Variants in FMR1 observed in about 807,000 individuals in gnomAD.
FMR1 encodes fragile X messenger ribonucleoprotein 1.
FMR1 carries 13 observed loss-of-function variants against 50.6 expected under a neutral mutation model. That is an observed-to-expected ratio of 0.26 (90% CI 0.17 to 0.41). The LOEUF is 0.41. FMR1 is among the 10% of genes least tolerant of loss of function. The pLI is 1.00. For synonymous variants in FMR1, 138 were observed against 164.1 expected (o/e 0.84, Z 1.22); for missense variants, 316 against 491.3 (o/e 0.64, Z 3.37).
intron 15 of FMR1, 68 bp from the exon 16 acceptor site, chrX:147,945,466 G>C (rs2044141950): frequency 1.2e-6 from 1 of 851,416 alleles, no homozygotes; most frequent in African/African-American, 2.0e-5. Flanking sequence ...GAGGGTGTGG[G>C]AATAAAGAAC....
chrX:147,937,235 A>G (rs2043819149), intron 10 of FMR1, among the ~76,000 whole-genome samples: 1 of 111,911 alleles, frequency 8.9e-6, no homozygotes, highest in Non-Finnish European at 1.9e-5. Flanking sequence ...CTGTCTCATC[A>G]AAGAGCCGTA....
chrX:147,926,826 G>T (rs1557177685), intron 3 of FMR1, among the ~76,000 whole-genome samples: 1 of 111,004 alleles, frequency 9.0e-6, no homozygotes, highest in African/African-American at 3.3e-5. Flanking sequence ...GGTAGTAAAG[G>T]TGTAGCAAAA....
At chrX:147,947,785 A>G (rs782137913) in intron 16 of FMR1, among the ~76,000 whole-genome samples, 16 of 111,499 alleles carry the variant, frequency 1.4e-4, no homozygotes, top group African/African-American at 3.3e-4. Context: ...GCACATACCC[A>G]CTACTTAAAC....
intron 1 of FMR1, among the ~76,000 whole-genome samples, chrX:147,919,556 G>A (rs1557176029): frequency 8.9e-6 from 1 of 112,425 alleles, no homozygotes; most frequent in African/African-American, 3.2e-5. Context: ...AAAATGATAA[G>A]AAAATGTTGA....
Position 147,943,272 on chromosome X carries a change from A to G in FMR1, c.1417A>G (p.Ser473Gly). 9.1e-6 allele frequency: 11 copies of G among 1,211,029 alleles called. No homozygotes were observed. The highest frequency in any genetic ancestry group is 1.2e-5 in the Non-Finnish European group (11 of 894,860). The change falls in exon 14 of 17, where the codon AGT becomes GGT. Residue 473 changes from serine (S) to glycine (G), a missense_variant. Physicochemically the swap from Ser to Gly is moderately conservative, Grantham distance 56. Transcript: ENST00000370475. The stretch of plus-strand genomic sequence containing the variant: ...TGATGGTCAAGGAATGGGTCGAGGT[A>G]GTAGACCTTACAGAAATAGGGGGCA... Reference protein sequence around the residue: ...TDDGQGMGRGSRPYRNRGHGR... With the variant: ...TDDGQGMGRGGRPYRNRGHGR...
intron 14 of FMR1, 39 bp downstream of exon 14, chrX:147,943,365 C>T: frequency 9.2e-7 from 1 of 1,084,186 alleles, no homozygotes; most frequent in East Asian, 3.0e-5. Context: ...TTTATCTGTT[C>T]CTAGACTTAT....
intron 13 of FMR1, among the ~76,000 whole-genome samples, chrX:147,941,471 C>T (rs2044000828): frequency 8.9e-6 from 1 of 112,334 alleles, no homozygotes; most frequent in Admixed American, 9.4e-5. Context: ...AAAAGCATTT[C>T]AACTCTATTT....
In FMR1 at chrX:147,938,045, G is replaced by A. The variant is rs192629288; in HGVS notation, c.1126-54G>A. 9.3e-5 allele frequency: 89 copies of A among 958,299 alleles called. No individual in the cohort carries two copies. The Middle Eastern group carries it at 1.3e-3, about 14-fold the overall frequency. The allele number at this position is 958,299 out of a possible 1,213,427, so 79.0% of individuals were successfully genotyped here. A position where few individuals can be genotyped will look rare whatever the true frequency, so the allele number is the denominator to read the frequency against. On this transcript the variant is annotated intron_variant, in intron 11 of 16. Coordinates refer to ENST00000370475, the MANE Select transcript of FMR1 (RefSeq NM_002024.6). Reference sequence around the variant, plus strand: ...GTGAAAGTCCTGCGTTCAGGCTTCTGTGTATCGTTTGTTATAGTTAATGAC... The same window carrying A: ...GTGAAAGTCCTGCGTTCAGGCTTCTATGTATCGTTTGTTATAGTTAATGAC...
intron 16 of FMR1, 131 bp from the exon 17 acceptor site, chrX:147,948,549 ACTT>A (rs2044251863): frequency 8.8e-7 from 1 of 1,134,559 alleles, no homozygotes; most frequent in Non-Finnish European, 1.2e-6. Flanking sequence ...AATTTCTTGC[ACTT>A]CTTCTGTTCT....
chrX:147,921,231 C>T (rs1001502720), intron 1 of FMR1, among the ~76,000 whole-genome samples: 2 of 104,721 alleles, frequency 1.9e-5, no homozygotes, highest in African/African-American at 7.0e-5. Context: ...TATAAAGTTA[C>T]AGACAGCATG....
At chrX:147,921,476 T>G (rs2043166762) in intron 1 of FMR1, among the ~76,000 whole-genome samples, 1 of 109,258 alleles carries the variant, frequency 9.2e-6, no homozygotes, top group South Asian at 3.8e-4. Context: ...TATATATATA[T>G]AGATAGATAG....
chrX:147,934,427 C>T (rs1322661549), intron 9 of FMR1, among the ~76,000 whole-genome samples: 1 of 110,436 alleles, frequency 9.1e-6, no homozygotes, highest in Non-Finnish European at 1.9e-5. Context: ...ATAGGATCCA[C>T]CTCATAGAGT....
At chrX:147,923,824 C>T (rs2043280263) in intron 2 of FMR1, among the ~76,000 whole-genome samples, 1 of 111,777 alleles carries the variant, frequency 8.9e-6, no homozygotes, top group Non-Finnish European at 1.9e-5. Flanking sequence ...TTTAATAGGT[C>T]TCCACCAAAG....
intron 16 of FMR1, among the ~76,000 whole-genome samples, chrX:147,946,245 T>G (rs1212924175): frequency 8.9e-6 from 1 of 112,288 alleles, no homozygotes; most frequent in Non-Finnish European, 1.9e-5. Flanking sequence ...GGGATGTACT[T>G]AGAGACCTCA....
chrX:147,922,551 A>G (rs1218220558), intron 2 of FMR1, among the ~76,000 whole-genome samples: 5 of 111,965 alleles, frequency 4.5e-5, no homozygotes, highest in Admixed American at 3.8e-4. Context: ...GAAAGCATCA[A>G]TAGTATAGAT....
chrX:147,944,007 A>T (rs1167550330), intron 14 of FMR1: 1 of 191,635 alleles, frequency 5.2e-6, no homozygotes, highest in Non-Finnish European at 7.9e-6. Flanking sequence ...CAAGATCCAC[A>T]GGAATGAAGC....
rs782185078 is a variant in FMR1 at position 147,937,509 on chromosome X, T to C, written c.1034T>C (p.Val345Ala). 25 of 1,204,669 alleles carry C rather than the reference T, an allele frequency of 2.1e-5. No homozygotes were observed. In the East Asian group the frequency reaches 6.2e-4, roughly 30 times the overall value. Residue 345 changes from valine (V) to alanine (A), a missense_variant, in exon 11 of 17, where the codon GTT becomes GCT. Physicochemically the swap from Val to Ala is moderately conservative, Grantham distance 64. Transcript: ENST00000370475. ...PNSLPSNNSR[V>A]GPNAPEEKKH... ...TCCCTTCCTTCCAATAATTCAAGGG[T>C]TGGACCTAATGCCCCAGAAGAAAAA...
Position 147,929,866 on chromosome X carries a change from C to T in FMR1, c.420-82C>T. 5 of 629,469 alleles carry T rather than the reference C, an allele frequency of 7.9e-6. No homozygotes were observed. In the South Asian group the frequency reaches 1.3e-4, roughly 16 times the overall value. The allele number at this position is 629,469 out of a possible 1,213,427, so 51.9% of individuals were successfully genotyped here. A position where few individuals can be genotyped will look rare whatever the true frequency, so the allele number is the denominator to read the frequency against. On this transcript the variant is annotated intron_variant, in intron 5 of 16. Coordinates refer to ENST00000370475, the MANE Select transcript of FMR1 (RefSeq NM_002024.6). Reference sequence around the variant, plus strand: ...TCAAATTTAATATGAATCCATGATTCTTGTATGTGTAAATCTGCCTGCATT... The same window carrying T: ...TCAAATTTAATATGAATCCATGATTTTTGTATGTGTAAATCTGCCTGCATT...
intron 12 of FMR1, among the ~76,000 whole-genome samples, chrX:147,938,816 C>T (rs1176542386): frequency 9.0e-6 from 1 of 111,417 alleles, no homozygotes; most frequent in African/African-American, 3.3e-5. Flanking sequence ...GTCTCATTGC[C>T]GGGCAGCCCA....
Sources: allele counts gnomAD v4.1 joint callset (sites outside exome capture counted in the v4.1 genomes callset), GRCh38; gene constraint gnomAD v4.1.1; transcripts MANE v1.5; gene names NCBI Gene and HGNC (gene_info 2026-07-23, HGNC 2026-07-21).